ADAMTS2: variants seen among roughly 807,000 people sequenced by gnomAD.
ADAMTS2 encodes the protein ADAM metallopeptidase with thrombospondin type 1 motif 2.
Under a neutral mutation model 123.0 loss-of-function variants are expected in ADAMTS2, and 50 were observed. The ratio of observed to expected loss-of-function variants is 0.41; its 90% CI spans 0.32 to 0.51. The LOEUF is 0.51. Ranked by LOEUF, ADAMTS2 falls within the 20% of genes least tolerant of loss-of-function variation. ADAMTS2 has a pLI of 0.35. For synonymous variants in ADAMTS2, 678 were observed against 695.4 expected, an observed-to-expected ratio of 0.98 and a Z score of 0.39; for missense variants, 1,494 against 1,705.2, an observed-to-expected ratio of 0.88 and a Z score of 2.18.
At position 179,345,226 on chromosome 5, in the gene ADAMTS2, C is replaced by CGGGCGGCGGCGGCGGCGGCAG; in HGVS notation, c.82_102dup (p.Leu28_Pro34dup). ...GCGGCGGCGGCGAGCCTGGCGTTCG[C>CGGGCGGCGGCGGCGGCGGCAG]GGGCGGCGGCGGCGGCGGCAGGAGC... On this transcript the variant is annotated inframe_insertion, in exon 1 of 22. Transcript: ENST00000251582. This position sits in a 1 kb window ranked among gnomAD's most constrained non-coding sequence, Gnocchi z 7.5. 1 of 1,123,134 alleles carries CGGGCGGCGGCGGCGGCGGCAG rather than the reference C, an allele frequency of 8.9e-7. No homozygotes were observed. The highest frequency in any genetic ancestry group is 1.1e-6 in the Non-Finnish European group (1 of 921,598). The allele number at this position is 1,123,134 out of a possible 1,614,324, so 69.6% of individuals were successfully genotyped here.
Position 179,128,143 on chromosome 5 carries a change from G to A in ADAMTS2, c.2458-25C>T. ...CCTGTGCCAGCCCAAGAGCCTTGAT[G>A]TGCCTGACCTGCCCTCCATGCTTCC... On this transcript the variant is annotated intron_variant, in intron 16 of 21. Transcript: ENST00000251582. This position sits in a 1 kb window ranked among gnomAD's most constrained non-coding sequence, Gnocchi z 4.9. 4 of 1,611,514 alleles carry A rather than the reference G, an allele frequency of 2.5e-6. No homozygotes were observed. Among genetic ancestry groups the A allele is most frequent in the Middle Eastern group, 3.3e-4 (2 of 6,062 alleles).
intron 12 of ADAMTS2, among the ~76,000 whole-genome samples, chr5:179,136,702 G>C (rs535961864): frequency 2.0e-5 from 3 of 151,146 alleles, no homozygotes; most frequent in African/African-American, 7.3e-5. Context: ...CAGGAGCAGT[G>C]GCTCATGCCT....
chr5:179,330,716 T>G (rs909601856), intron 2 of ADAMTS2, among the ~76,000 whole-genome samples: 9 of 151,762 alleles, frequency 5.9e-5, no homozygotes, highest in African/African-American at 2.2e-4. Flanking sequence ...TGCACAACCT[T>G]CCCAGCAGCC....
chr5:179,301,945 C>G (rs1449041771), intron 2 of ADAMTS2, among the ~76,000 whole-genome samples: 1 of 152,248 alleles, frequency 6.6e-6, no homozygotes, highest in Non-Finnish European at 1.5e-5. Flanking sequence ...TGCTTGGGAA[C>G]AGTCAGCCTG....
rs372446996 is a variant in ADAMTS2, at chr5:179,131,012, C to T, written c.2291-914G>A. ...AGGTTTTTATATTTAGGGTAGCAGT[C>T]GAAAGTTTCCTCTTAAGAGGCGAGG... On this transcript the variant is annotated intron_variant, in intron 15 of 21. Transcript: ENST00000251582. Among the ~76,000 whole-genome samples, 8 of 151,974 alleles carry T rather than the reference C, an allele frequency of 5.3e-5. No individual in the cohort carries two copies. The East Asian group carries it at 1.2e-3, about 22-fold the overall frequency.
chr5:179,342,243 G>A (rs540447569), intron 2 of ADAMTS2, among the ~76,000 whole-genome samples: 1 of 152,294 alleles, frequency 6.6e-6, no homozygotes, highest in East Asian at 1.9e-4. Context: ...CCAACAGACT[G>A]CAACCCCATG....
chr5:179,136,593 A>C (rs1763070361), intron 12 of ADAMTS2, among the ~76,000 whole-genome samples: 1 of 149,962 alleles, frequency 6.7e-6, no homozygotes, highest in Admixed American at 6.7e-5. Context: ...TGAACCCAGG[A>C]GGCCGAGCTT....
chr5:179,334,567 A>G (rs1237683135), intron 2 of ADAMTS2, among the ~76,000 whole-genome samples: 2 of 152,252 alleles, frequency 1.3e-5, no homozygotes, highest in African/African-American at 4.8e-5. Flanking sequence ...CGTTAAAGCC[A>G]GGCACAGATG....
In ADAMTS2 at chr5:179,234,266, A is replaced by G. The variant is rs1765477504; in HGVS notation, c.689-26551T>C. The stretch of plus-strand genomic sequence containing the variant: ...TGGGGGATTCCTGCTGCTCTGCCTG[A>G]ATTCACCCAGGTGGGCAGTCCTCAG... On this transcript the variant is annotated intron_variant, in intron 3 of 21. Transcript: ENST00000251582. The surrounding 1 kb of genome is among the most constrained non-coding windows in gnomAD (Gnocchi z 4.7). 6.6e-6 allele frequency among the ~76,000 whole-genome samples: 1 copy of G among 152,018 alleles called. No individual in the cohort carries two copies.
chr5:179,266,072 G>C (rs924475819), intron 3 of ADAMTS2, among the ~76,000 whole-genome samples: 2 of 152,196 alleles, frequency 1.3e-5, no homozygotes, highest in African/African-American at 4.8e-5. Flanking sequence ...GGAGTCACTT[G>C]GGAAGTGCCC....
Position 179,345,156 on chromosome 5 carries a change from G to T in ADAMTS2, c.139+34C>A, listed in dbSNP as rs1262346689. On this transcript the variant is annotated intron_variant, in intron 1 of 21. Coordinates refer to ENST00000251582, the MANE Select transcript of ADAMTS2 (RefSeq NM_014244.5). This position sits in a 1 kb window ranked among gnomAD's most constrained non-coding sequence, Gnocchi z 7.5. ...ACGCGGGACAGGGCCAGGCCGGCGGGGGTCCCGGGGAGTAGGGGCCGGGCC... is the reference window on the plus strand; with the variant it reads ...ACGCGGGACAGGGCCAGGCCGGCGGTGGTCCCGGGGAGTAGGGGCCGGGCC... 1 of 1,084,110 alleles carries T rather than the reference G, an allele frequency of 9.2e-7. No individual in the cohort carries two copies. Among genetic ancestry groups the T allele is most frequent in the East Asian group, 6.3e-5 (1 of 15,854 alleles). The allele number at this position is 1,084,110 out of a possible 1,614,324, so 67.2% of individuals were successfully genotyped here. A position where few individuals can be genotyped will look rare whatever the true frequency, so the allele number is the denominator to read the frequency against.
At chr5:179,289,293 C>T (rs186378139) in intron 2 of ADAMTS2, among the ~76,000 whole-genome samples, 4 of 152,258 alleles carry the variant, frequency 2.6e-5, no homozygotes, top group East Asian at 1.9e-4. Context: ...TAGGTTAGAA[C>T]CCATTGAATA....
At chr5:179,286,381 C>A (rs939697253) in intron 2 of ADAMTS2, among the ~76,000 whole-genome samples, 1 of 152,066 alleles carries the variant, frequency 6.6e-6, no homozygotes, top group East Asian at 1.9e-4. Context: ...CCAACCAGCC[C>A]AGGAGACCAG....
chr5:179,275,710 C>A (rs1227635241), intron 2 of ADAMTS2, among the ~76,000 whole-genome samples: 2 of 152,212 alleles, frequency 1.3e-5, no homozygotes. Context: ...GTGTCCTCCC[C>A]CAGAGTCTCC....
intron 4 of ADAMTS2, 42 bp downstream of exon 4, chr5:179,207,471 A>ACCCAGCCC: frequency 4.9e-6 from 5 of 1,026,472 alleles, no homozygotes; most frequent in Non-Finnish European, 4.6e-6. Context: ...CCCCTGGTTG[A>ACCCAGCCC]CCCTCCCCGC....
chr5:179,229,947 T>C (rs1765371190), intron 3 of ADAMTS2, among the ~76,000 whole-genome samples: 1 of 152,220 alleles, frequency 6.6e-6, no homozygotes, highest in African/African-American at 2.4e-5. Context: ...TTTAATTTTG[T>C]GACCTTTTCT....
intron 3 of ADAMTS2, among the ~76,000 whole-genome samples, chr5:179,239,827 T>C (rs1244956628): frequency 6.6e-6 from 1 of 151,980 alleles, no homozygotes; most frequent in Non-Finnish European, 1.5e-5. Flanking sequence ...AGTGCTGTGA[T>C]TAGACCAAGA....
intron 2 of ADAMTS2, among the ~76,000 whole-genome samples, chr5:179,281,110 G>A (rs576960342): frequency 7.9e-5 from 12 of 152,262 alleles, no homozygotes; most frequent in East Asian, 5.8e-4. Context: ...CACCTGCCTC[G>A]GCCTCACAAA....
At position 179,122,681 on chromosome 5, in the gene ADAMTS2, A is replaced by G. The variant is rs2113181493; in HGVS notation, c.3051T>C (p.Pro1017=). ...DSFGICQEER[P]ETARTCRLGP... ...CAAGCCTGCAGGTCCTCGCTGTCTC[A>G]GGACGCTCCTCCTGGCAGATGCCGA... is the stretch of plus-strand genomic sequence containing the variant. The change falls in exon 20 of 22, where the codon CCT becomes CCC. Residue 1017 remains proline, a synonymous_variant. Transcript: ENST00000251582. The G allele has an allele frequency of 2.6e-6, 4 of 1,551,498 alleles. No homozygotes were observed. The South Asian group carries it at 4.8e-5, about 18-fold the overall frequency.
Sources: gnomAD v4.1 joint callset for allele counts (sites outside exome capture counted in the v4.1 genomes callset) on GRCh38, gnomAD v4.1.1 for gene constraint, Gnocchi (gnomAD v3.1) non-coding constraint, MANE v1.5 for transcripts, NCBI Gene and HGNC (gene_info 2026-07-23, HGNC 2026-07-21) for gene names.